PMFBP1: variants seen among roughly 807,000 people sequenced by gnomAD.
PMFBP1 encodes the protein polyamine modulated factor 1 binding protein 1.
In PMFBP1, 131 loss-of-function variants were observed where a neutral mutation model predicts 137.8. The ratio of observed to expected loss-of-function variants is 0.95; its 90% CI spans 0.82 to 1.10. The LOEUF (loss-of-function observed/expected upper bound fraction) is 1.10. Among genes scored for constraint, PMFBP1 ranks in the 50% least tolerant of loss-of-function variants. PMFBP1 has a pLI of 0.00. For missense variants in PMFBP1, 1,199 were observed against 1,175.4 expected (o/e 1.02, Z -0.29); for synonymous variants, 490 against 450.4 (o/e 1.09, Z -1.11).
At chr16:72,202,915 C>A in the PMFBP1 span, among the ~76,000 whole-genome samples, 1 of 152,172 alleles carries the variant, frequency 6.6e-6, no homozygotes, top group Non-Finnish European at 1.5e-5. Flanking sequence ...CAAACAAAAC[C>A]AAGAGCTGGG....
chr16:72,194,704 T>C, the PMFBP1 span, among the ~76,000 whole-genome samples: 1 of 152,170 alleles, frequency 6.6e-6, no homozygotes, highest in Non-Finnish European at 1.5e-5. Flanking sequence ...GTTCATGCTT[T>C]GGGCAGGATA....
chr16:72,238,475 C>T, the PMFBP1 span, among the ~76,000 whole-genome samples: 1 of 152,198 alleles, frequency 6.6e-6, no homozygotes, highest in Non-Finnish European at 1.5e-5. Context: ...AGTGCCTGTT[C>T]ACGTCCTTTG....
chr16:72,200,631 T>C, the PMFBP1 span, among the ~76,000 whole-genome samples: 1 of 152,364 alleles, frequency 6.6e-6, no homozygotes, highest in Non-Finnish European at 1.5e-5. Context: ...GGAAGGACAA[T>C]CTGTGCTATT....
chr16:72,146,903 G>A (rs1379639043), intron 5 of PMFBP1, among the ~76,000 whole-genome samples: 2 of 152,202 alleles, frequency 1.3e-5, no homozygotes, highest in Non-Finnish European at 2.9e-5. Flanking sequence ...AACATTCCAT[G>A]CTCATGGATA....
At chr16:72,160,784 T>C (rs922148656) in intron 3 of PMFBP1, among the ~76,000 whole-genome samples, 3 of 152,226 alleles carry the variant, frequency 2.0e-5, no homozygotes, top group Non-Finnish European at 4.4e-5. Flanking sequence ...TGAAAAATTC[T>C]AAGTGCTTCA....
At chr16:72,129,717 A>G (rs2042518682) in intron 12 of PMFBP1, among the ~76,000 whole-genome samples, 1 of 152,256 alleles carries the variant, frequency 6.6e-6, no homozygotes, top group Non-Finnish European at 1.5e-5. Flanking sequence ...AAGGTTAACC[A>G]TTGAAAATGC....
At chr16:72,138,605 T>G (rs2042669031) in intron 7 of PMFBP1, among the ~76,000 whole-genome samples, 1 of 152,214 alleles carries the variant, frequency 6.6e-6, no homozygotes, top group South Asian at 2.1e-4. Flanking sequence ...AAGCTCGACC[T>G]CCTGGGTTGA....
At chr16:72,184,335 A>C in the PMFBP1 span, among the ~76,000 whole-genome samples, 5 of 152,204 alleles carry the variant, frequency 3.3e-5, no homozygotes, top group Non-Finnish European at 7.3e-5. Flanking sequence ...TGCCTTCTAC[A>C]CAGGTGTGCT....
chr16:72,161,800 A>G (rs1455870295), intron 3 of PMFBP1, among the ~76,000 whole-genome samples: 1 of 152,164 alleles, frequency 6.6e-6, no homozygotes, highest in Admixed American at 6.5e-5. Context: ...AGGATTTCAC[A>G]TTGCATTTAG....
the PMFBP1 span, among the ~76,000 whole-genome samples, chr16:72,211,338 CAGA>C: frequency 6.6e-6 from 1 of 152,124 alleles, no homozygotes; most frequent in African/African-American, 2.4e-5. Flanking sequence ...GGCAGAAAAC[CAGA>C]AGTTTCTTCT....
At chr16:72,193,365 G>A in the PMFBP1 span, among the ~76,000 whole-genome samples, 1 of 152,142 alleles carries the variant, frequency 6.6e-6, no homozygotes, top group Non-Finnish European at 1.5e-5. Flanking sequence ...ACTCCAGCCT[G>A]AGTGACACAG....
At chr16:72,220,280 T>C in the PMFBP1 span, among the ~76,000 whole-genome samples, 1 of 152,250 alleles carries the variant, frequency 6.6e-6, no homozygotes, top group Non-Finnish European at 1.5e-5. Context: ...TTAGCTTAGA[T>C]GCCCAACTAC....
the PMFBP1 span, among the ~76,000 whole-genome samples, chr16:72,223,563 C>T: frequency 6.6e-6 from 1 of 152,146 alleles, no homozygotes; most frequent in African/African-American, 2.4e-5. Flanking sequence ...TTTTGAATAC[C>T]ATGCTGGACC....
At chr16:72,244,786 TGC>T in the PMFBP1 span, among the ~76,000 whole-genome samples, 333 of 152,332 alleles carry the variant, frequency 2.2e-3, 1 homozygote, top group Middle Eastern at 0.014. Context: ...TTTCTTCCAG[TGC>T]AACAAATCCC....
chr16:72,139,020 T>C (rs991237504), intron 7 of PMFBP1, among the ~76,000 whole-genome samples: 1 of 152,070 alleles, frequency 6.6e-6, no homozygotes, highest in African/African-American at 2.4e-5. Context: ...TCCTTTTGAA[T>C]GTAGCAAGGC....
At chr16:72,162,635 T>A (rs957955039) in intron 3 of PMFBP1, among the ~76,000 whole-genome samples, 2 of 152,248 alleles carry the variant, frequency 1.3e-5, no homozygotes, top group African/African-American at 4.8e-5. Context: ...TTTGTATGCA[T>A]AGTCTGCTAT....
chr16:72,201,288 T>C, the PMFBP1 span, among the ~76,000 whole-genome samples: 2 of 152,250 alleles, frequency 1.3e-5, no homozygotes, highest in African/African-American at 4.8e-5. Context: ...AATTTTATGC[T>C]GAACAATTAT....
the PMFBP1 span, among the ~76,000 whole-genome samples, chr16:72,227,691 T>C: frequency 6.6e-6 from 1 of 152,138 alleles, no homozygotes; most frequent in Non-Finnish European, 1.5e-5. Flanking sequence ...AGACGTGGCA[T>C]AGAATTCCAA....
chr16:72,157,209 A>C (rs1424782353), intron 3 of PMFBP1, among the ~76,000 whole-genome samples: 2 of 148,780 alleles, frequency 1.3e-5, no homozygotes, highest in Admixed American at 6.7e-5. Context: ...AAAAAAAAAA[A>C]AACCAGACAA....
Sources: gnomAD v4.1 joint callset for allele counts (sites outside exome capture counted in the v4.1 genomes callset) on GRCh38, gnomAD v4.1.1 for gene constraint, MANE v1.5 for transcripts, NCBI Gene and HGNC (gene_info 2026-07-23, HGNC 2026-07-21) for gene names.